The following ADAMTSL1 variants were observed in gnomAD, a reference collection of about 807,000 sequenced individuals.
ADAMTSL1 encodes ADAMTS-like protein 1.
Under a neutral mutation model 201.8 loss-of-function variants are expected in ADAMTSL1, and 126 were observed. The observed-to-expected ratio is 0.62, with a 90% CI of 0.54 to 0.72. The LOEUF (loss-of-function observed/expected upper bound fraction) is 0.72. Ranked by LOEUF, ADAMTSL1 falls within the 30% of genes least tolerant of loss-of-function variation. The pLI is 0.00. For missense variants in ADAMTSL1, 2,679 were observed against 2,277.8 expected (o/e 1.18, Z -3.59); for synonymous variants, 1,121 against 903.4 (o/e 1.24, Z -4.32).
intron 19 of ADAMTSL1, among the ~76,000 whole-genome samples, chr9:18,794,407 AAAAAAAAAACAAAAACAAAAAC>A (rs1208884727): frequency 4.7e-5 from 4 of 85,784 alleles, no homozygotes; most frequent in Non-Finnish European, 9.6e-5. Context: ...CCTGTCTCAA[AAAAAAAAAACAAAAACAAAAAC>A]AAAAAAAAAC....
At chr9:18,709,775 G>C (rs573063712) in intron 14 of ADAMTSL1, among the ~76,000 whole-genome samples, 5 of 152,282 alleles carry the variant, frequency 3.3e-5, no homozygotes, top group African/African-American at 1.2e-4. Flanking sequence ...AGCCTGATCA[G>C]CTTTATTGTA....
At chr9:18,434,953 A>G (rs1028649581) in intron 2 of ADAMTSL1, among the ~76,000 whole-genome samples, 10 of 152,224 alleles carry the variant, frequency 6.6e-5, no homozygotes, top group African/African-American at 2.2e-4. Flanking sequence ...GACAGGGACC[A>G]CATCTGGCTT....
In ADAMTSL1 at chr9:18,800,377, C is replaced by CAAAAAAAAAAA. The variant is rs58346548; in HGVS notation, c.3805+4870_3805+4880dup. ...GGGCAACAAGAGGAAAACTCCATCT[C>CAAAAAAAAAAA]AAAAAAAAAAAAAAAAAAAAAAAAA... On this transcript the variant is annotated intron_variant, in intron 20 of 28. Transcript: ENST00000380548. Among the ~76,000 whole-genome samples the CAAAAAAAAAAA allele has an allele frequency of 1.1e-3, 65 of 60,672 alleles. 2 individuals are homozygous for CAAAAAAAAAAA. Among genetic ancestry groups the CAAAAAAAAAAA allele is most frequent in the South Asian group, 4.1e-3 (5 of 1,216 alleles). 39.8% of individuals were successfully genotyped at this position (60,672 alleles called of 152,430 possible).
chr9:18,674,096 G>T (rs976031907), intron 9 of ADAMTSL1, among the ~76,000 whole-genome samples: 1 of 151,848 alleles, frequency 6.6e-6, no homozygotes, highest in African/African-American at 2.4e-5. Flanking sequence ...GTTAAAGGCT[G>T]TTCATTTCAT....
chr9:18,808,321 T>A (rs1021098496), intron 20 of ADAMTSL1, among the ~76,000 whole-genome samples: 1 of 152,196 alleles, frequency 6.6e-6, no homozygotes, highest in Non-Finnish European at 1.5e-5. Flanking sequence ...AGAGGGTCAA[T>A]TGATTAAGCA....
chr9:18,102,932 C>A (rs1587056016), intron 1 of ADAMTSL1, among the ~76,000 whole-genome samples: 1 of 152,130 alleles, frequency 6.6e-6, no homozygotes, highest in African/African-American at 2.4e-5. Flanking sequence ...AGACGAAGAG[C>A]CCAGTTATGA....
At chr9:18,200,593 T>G (rs2132272127) in intron 2 of ADAMTSL1, among the ~76,000 whole-genome samples, 1 of 152,196 alleles carries the variant, frequency 6.6e-6, no homozygotes, top group Middle Eastern at 3.4e-3. Context: ...TGACTTTGAA[T>G]GGCTGCCATA....
chr9:18,590,032 G>T (rs1349485155), intron 4 of ADAMTSL1, among the ~76,000 whole-genome samples: 1 of 151,858 alleles, frequency 6.6e-6, no homozygotes, highest in Non-Finnish European at 1.5e-5. Context: ...TTTTCTTTTT[G>T]GTTATGTCTT....
chr9:18,385,561 A>T (rs1837758598), intron 2 of ADAMTSL1, among the ~76,000 whole-genome samples: 1 of 152,222 alleles, frequency 6.6e-6, no homozygotes, highest in South Asian at 2.1e-4. Context: ...ATAATAAAGA[A>T]TTCAAGCTAC....
At chr9:18,243,381 G>T (rs1017138388) in intron 2 of ADAMTSL1, among the ~76,000 whole-genome samples, 1 of 152,034 alleles carries the variant, frequency 6.6e-6, no homozygotes, top group African/African-American at 2.4e-5. Context: ...TTACAGATGT[G>T]CTTCTATCCC....
intron 16 of ADAMTSL1, among the ~76,000 whole-genome samples, chr9:18,768,209 G>T (rs1820473595): frequency 6.6e-6 from 1 of 152,200 alleles, no homozygotes; most frequent in African/African-American, 2.4e-5. Context: ...CTCTCGGCAG[G>T]CTTGGTGCTG....
chr9:17,977,569 A>C (rs1262453256), intron 1 of ADAMTSL1, among the ~76,000 whole-genome samples: 1 of 151,756 alleles, frequency 6.6e-6, no homozygotes, highest in Non-Finnish European at 1.5e-5. Flanking sequence ...TAGGTTATTA[A>C]ATTTGTTGGC....
intron 23 of ADAMTSL1, 101 bp downstream of exon 23, chr9:18,830,078 T>G (rs1588184144): frequency 1.5e-5 from 22 of 1,458,058 alleles, no homozygotes; most frequent in Non-Finnish European, 1.9e-5. Context: ...CAGTCGGGGG[T>G]GGCCAACAGG....
At chr9:18,409,399 A>AAAAAAG (rs1210561517) in intron 2 of ADAMTSL1, among the ~76,000 whole-genome samples, 5 of 150,402 alleles carry the variant, frequency 3.3e-5, no homozygotes, top group African/African-American at 9.8e-5. Context: ...AAAAAAAAAA[A>AAAAAAG]AAAAAGAAAA....
chr9:18,835,233 G>A (rs1013514412), intron 23 of ADAMTSL1, among the ~76,000 whole-genome samples: 5 of 152,052 alleles, frequency 3.3e-5, no homozygotes, highest in African/African-American at 4.8e-5. Context: ...TGTTGAACAT[G>A]TATTCATGTG....
intron 1 of ADAMTSL1, among the ~76,000 whole-genome samples, chr9:18,500,730 G>T (rs1822786387): frequency 6.6e-6 from 1 of 152,188 alleles, no homozygotes; most frequent in Non-Finnish European, 1.5e-5. Context: ...GCTGTAATAA[G>T]AAAGGGTTTT....
rs574275310 is a variant in ADAMTSL1 at position 18,032,903 on chromosome 9, A to G, written c.87+125981A>G. Among the ~76,000 whole-genome samples the G allele has an allele frequency of 4.6e-5, 7 of 152,038 alleles. No individual in the cohort carries two copies. The East Asian group carries it at 1.2e-3, about 25-fold the overall frequency. Reference sequence around the variant, plus strand: ...TCAGTGACTCTGTGTGGGGCTTCCCACTTCCTCCTTCTTCAGCTTCAGTGT... The same window carrying G: ...TCAGTGACTCTGTGTGGGGCTTCCCGCTTCCTCCTTCTTCAGCTTCAGTGT... On this transcript the variant is annotated intron_variant, in intron 1 of 29. Coordinates refer to the ADAMTSL1 transcript ENST00000680146.
At chr9:18,270,083 G>A (rs1302920614) in intron 2 of ADAMTSL1, among the ~76,000 whole-genome samples, 1 of 152,068 alleles carries the variant, frequency 6.6e-6, no homozygotes, top group African/African-American at 2.4e-5. Context: ...TGATTGGGGA[G>A]CTTCTAAATA....
chr9:17,930,280 A>G (rs1006778911), intron 1 of ADAMTSL1, among the ~76,000 whole-genome samples: 36 of 152,110 alleles, frequency 2.4e-4, no homozygotes, highest in African/African-American at 7.7e-4. Context: ...CATAGCTTCC[A>G]AGGTCACCCT....
Sources: gnomAD v4.1 joint callset for allele counts (sites outside exome capture counted in the v4.1 genomes callset) on GRCh38, gnomAD v4.1.1 for gene constraint, MANE v1.5 for transcripts, NCBI Gene and HGNC (gene_info 2026-07-23, HGNC 2026-07-21) for gene names.